Variants in NLRP2 observed in about 807,000 individuals in gnomAD.
NLRP2 encodes NACHT, LRR and PYD domains-containing protein 2.
Under a neutral mutation model 97.2 loss-of-function variants are expected in NLRP2, and 107 were observed. The ratio of observed to expected loss-of-function variants is 1.10; its 90% CI spans 0.94 to 1.29. The LOEUF (loss-of-function observed/expected upper bound fraction) is 1.29. Ranked by LOEUF, NLRP2 falls within the 50% of genes most tolerant of loss-of-function variation. The pLI is 0.00. For missense variants in NLRP2, 1,495 were observed against 1,330.3 expected (o/e 1.12, Z -1.93); for synonymous variants, 663 against 551.5 (o/e 1.20, Z -2.83).
intron 12 of NLRP2, among the ~76,000 whole-genome samples, chr19:54,999,334 A>T (rs190823478): frequency 3.2e-4 from 49 of 152,194 alleles, no homozygotes; most frequent in African/African-American, 1.1e-3. Flanking sequence ...TTTAATAGAG[A>T]CAGGGTTTCT....
intron 6 of NLRP2, among the ~76,000 whole-genome samples, chr19:54,984,079 C>T (rs1174834024): frequency 1.3e-5 from 2 of 151,628 alleles, no homozygotes; most frequent in Non-Finnish European, 2.9e-5. Flanking sequence ...TTGAACTCCG[C>T]CTGACCTCAG....
rs1045822687 is a variant in NLRP2, at chr19:54,990,680, C to T, written c.2708+8C>T. The T allele has an allele frequency of 3.7e-5, 59 of 1,613,936 alleles. No individual in the cohort carries two copies. The highest frequency in any genetic ancestry group is 4.6e-5 in the Non-Finnish European group (54 of 1,180,014). On this transcript the variant is annotated splice_region_variant and intron_variant, in intron 10 of 12. Coordinates refer to ENST00000448584, the MANE Select transcript of NLRP2 (RefSeq NM_017852.5). The stretch of plus-strand genomic sequence containing the variant: ...TAAACTGCAGACCTTGGTGTAAGTC[C>T]GTGCTGGCTGCCTGTGTGCGTGGGT...
chr19:54,983,384 C>A lies in NLRP2; in HGVS notation c.1686C>A (p.Asn562Lys). 6.2e-7 allele frequency: 1 copy of A among 1,614,162 alleles called. No homozygotes were observed. The highest frequency in any genetic ancestry group is 8.5e-7 in the Non-Finnish European group (1 of 1,180,040). The change falls in exon 6 of 13, where the codon AAC becomes AAA. Residue 562 changes from asparagine (N) to lysine (K), a missense_variant. Asn to Lys is a moderately conservative substitution (Grantham distance 94). Coordinates refer to ENST00000448584, the MANE Select transcript of NLRP2 (RefSeq NM_017852.5). ...QAGYYSFGLA[N>K]EKRAKELEAT... The stretch of plus-strand genomic sequence containing the variant: ...GCTACTACTCCTTTGGCCTCGCTAA[C>A]GAGAAGAGAGCCAAGGAGTTGGAGG...
chr19:54,986,963 C>T (rs1286358357), intron 8 of NLRP2, among the ~76,000 whole-genome samples: 1 of 152,096 alleles, frequency 6.6e-6, no homozygotes, highest in Non-Finnish European at 1.5e-5. Context: ...CAGGTCACTG[C>T]AGCCTCCACC....
At chr19:54,971,432 C>A (rs1333661525) in intron 2 of NLRP2, among the ~76,000 whole-genome samples, 2 of 152,064 alleles carry the variant, frequency 1.3e-5, no homozygotes, top group African/African-American at 4.8e-5. Context: ...GTTTACAGTC[C>A]CACCAACAGT....
intron 5 of NLRP2, 144 bp downstream of exon 5, chr19:54,981,826 T>G: frequency 1.4e-6 from 1 of 718,540 alleles, no homozygotes; most frequent in Non-Finnish European, 2.5e-6. Flanking sequence ...TTGCCCAGGC[T>G]GGAGTGCCGT....
intron 3 of NLRP2, among the ~76,000 whole-genome samples, chr19:54,976,056 C>CTT (rs75652002): frequency 6.7e-6 from 1 of 148,466 alleles, no homozygotes. Context: ...GCCATGAAGA[C>CTT]TTTTTTTTTT....
rs141053373 is a variant in NLRP2, at chr19:54,982,778, G to A, written c.1080G>A (p.Leu360=). 1.6e-5 allele frequency: 26 copies of A among 1,614,002 alleles called. No homozygotes were observed. The highest frequency in any genetic ancestry group is 3.4e-6 in the Non-Finnish European group (4 of 1,179,990). Reference sequence around the variant, plus strand: ...TCTACATAAGGGTGGAGGGCTTCCTGGAGGAGGACAGGAGGGCCTATTTCC... The same window carrying A: ...TCTACATAAGGGTGGAGGGCTTCCTAGAGGAGGACAGGAGGGCCTATTTCC... ...EPIYIRVEGF[L]EEDRRAYFLR... Residue 360 remains leucine (L), a synonymous_variant, in exon 6 of 13, where the codon CTG becomes CTA. Transcript: ENST00000448584.
rs770750785 is a variant in NLRP2, at chr19:54,983,139, C to T, written c.1441C>T (p.Arg481Cys). ...ERLGVQESDL[R>C]LFLDGDILRQ... ...GCTCGGGGTGCAGGAGTCCGACCTC[C>T]GTCTGTTCCTGGACGGAGACATCCT... Residue 481 changes from arginine to cysteine, a missense_variant, in exon 6 of 13, where the codon CGT becomes TGT. Coordinates refer to ENST00000448584, the MANE Select transcript of NLRP2 (RefSeq NM_017852.5). 9.3e-6 allele frequency: 15 copies of T among 1,613,720 alleles called. No individual in the cohort carries two copies. The highest frequency in any genetic ancestry group is 1.7e-4 in the Middle Eastern group (1 of 6,044).
chr19:54,999,992 C>A (rs1260888812), intron 12 of NLRP2, among the ~76,000 whole-genome samples: 1 of 151,682 alleles, frequency 6.6e-6, no homozygotes, highest in Non-Finnish European at 1.5e-5. Context: ...CCACCTCACT[C>A]TCCCAAAGTG....
chr19:54,991,250 T>TA (rs2072457317), intron 10 of NLRP2: 1 of 160,142 alleles, frequency 6.2e-6, no homozygotes, highest in Non-Finnish European at 1.4e-5. Flanking sequence ...CTTTTAATAC[T>TA]AAAATCACAG....
intron 10 of NLRP2, among the ~76,000 whole-genome samples, chr19:54,992,207 C>G (rs901139720): frequency 5.3e-5 from 8 of 152,020 alleles, no homozygotes; most frequent in Non-Finnish European, 1.2e-4. Flanking sequence ...GCCACTGCGT[C>G]CAGCCATACA....
chr19:54,984,552 G>A (rs896497472), intron 6 of NLRP2, among the ~76,000 whole-genome samples: 39 of 136,190 alleles, frequency 2.9e-4, no homozygotes, highest in African/African-American at 1.1e-3. Context: ...GCTCGATCTC[G>A]GCTCACTGCA....
At chr19:54,990,246 C>T (rs549161229) in intron 9 of NLRP2, 54 bp downstream of exon 9, 11 of 1,564,264 alleles carry the variant, frequency 7.0e-6, no homozygotes, top group Admixed American at 1.7e-5. Flanking sequence ...GGGCCACAGA[C>T]GAGCAATGGT....
At position 54,979,077 on chromosome 19, in the gene NLRP2, T is replaced by C. The variant is rs190693161; in HGVS notation, c.397+1254T>C. 5.9e-5 allele frequency among the ~76,000 whole-genome samples: 9 copies of C among 151,770 alleles called. No individual in the cohort carries two copies. The East Asian group carries it at 1.4e-3, about 23-fold the overall frequency. On this transcript the variant is annotated intron_variant, in intron 4 of 12. Transcript: ENST00000448584. ...TTGGCTCACTGCAATCTCTGCCTCC[T>C]GGGTTCAAGGGGTCTTCCTGCCACA...
In NLRP2 at chr19:54,983,106, C is replaced by G; in HGVS notation, c.1408C>G (p.Leu470Val). The change falls in exon 6 of 13, where the codon CTG (leucine) becomes GTG (valine). Residue 470 changes from leucine to valine, a missense_variant. Coordinates refer to ENST00000448584, the MANE Select transcript of NLRP2 (RefSeq NM_017852.5). ...GACGTCCGTGCTTCACCGAGAGGAT[C>G]TGGAAAGGCTCGGGGTGCAGGAGTC... ...AQTSVLHRED[L>V]ERLGVQESDL... 1 of 1,613,620 alleles carries G rather than the reference C, an allele frequency of 6.2e-7. No homozygotes were observed. The highest frequency in any genetic ancestry group is 8.5e-7 in the Non-Finnish European group (1 of 1,179,994).
Position 54,994,482 on chromosome 19 carries a change from C to T in NLRP2, c.2879+43C>T, listed in dbSNP as rs1386072704. On this transcript the variant is annotated intron_variant, in intron 11 of 12. Transcript: ENST00000448584. ...TTCAACTTCCTATACTTACACCTTA[C>T]TGAATCTGTGGCTAGTGTAAAATAA... 4 of 1,597,722 alleles carry T rather than the reference C, an allele frequency of 2.5e-6. No individual in the cohort carries two copies. In the South Asian group the frequency reaches 4.4e-5, roughly 18 times the overall value.
chr19:54,994,071 C>T (rs2072658177), intron 10 of NLRP2, 198 bp from the exon 11 acceptor site: 4 of 661,660 alleles, frequency 6.0e-6, no homozygotes, highest in East Asian at 2.7e-5. Context: ...GTCCCTTTTG[C>T]TCGCAGGTGC....
Position 54,970,150 on chromosome 19 carries a change from G to A in NLRP2, c.135G>A (p.Lys45=). 1 of 1,614,126 alleles carries A rather than the reference G, an allele frequency of 6.2e-7. No homozygotes were observed. The highest frequency in any genetic ancestry group is 8.5e-7 in the Non-Finnish European group (1 of 1,180,016). The change falls in exon 2 of 13, where the codon AAG becomes AAA. Residue 45 remains lysine (K), a synonymous_variant. Transcript: ENST00000448584. Reference sequence around the variant, plus strand: ...ACGAGCTCCAGAAGATCCCCCACAAGGAGGTAGACAAGGCTGATGGGAAGC... The same window carrying A: ...ACGAGCTCCAGAAGATCCCCCACAAAGAGGTAGACAAGGCTGATGGGAAGC... ...LAHELQKIPH[K]EVDKADGKQL...
Sources: allele counts gnomAD v4.1 joint callset (sites outside exome capture counted in the v4.1 genomes callset), GRCh38; gene constraint gnomAD v4.1.1; transcripts MANE v1.5; gene names NCBI Gene and HGNC (gene_info 2026-07-23, HGNC 2026-07-21).